ADGRG7: variants seen among roughly 807,000 people sequenced by gnomAD.
The protein encoded by ADGRG7 is adhesion G protein-coupled receptor G7.
A neutral mutation model predicts 88.6 loss-of-function variants in ADGRG7; 82 were observed. The observed-to-expected ratio is 0.93, with a 90% CI of 0.77 to 1.11. ADGRG7 has a LOEUF of 1.11. ADGRG7 is among the 50% of genes most tolerant of loss of function. The pLI, the probability that ADGRG7 is intolerant of heterozygous loss-of-function variation, is 0.00. For missense variants in ADGRG7, 945 were observed against 953.4 expected (o/e 0.99, Z 0.12); for synonymous variants, 381 against 345.2 (o/e 1.10, Z -1.15).
intron 14 of ADGRG7, 82 bp downstream of exon 14, chr3:100,659,925 A>G: frequency 7.4e-7 from 1 of 1,350,090 alleles, no homozygotes; most frequent in East Asian, 2.3e-5. Context: ...CCACAGTTTC[A>G]GAAGCTTTCA....
rs866274535 is a variant in ADGRG7, at chr3:100,667,787, C to T, written c.1980-1162C>T. ...ACAATGGTTGAACTAATTTACACTCCCACCAACAGTGTAAAAGTGTTTCAG... is the reference window on the plus strand; with the variant it reads ...ACAATGGTTGAACTAATTTACACTCTCACCAACAGTGTAAAAGTGTTTCAG... On this transcript the variant is annotated intron_variant, in intron 14 of 15. Transcript: ENST00000273352. Among the ~76,000 whole-genome samples the T allele has an allele frequency of 7.2e-5, 11 of 152,192 alleles. No individual in the cohort carries two copies. The South Asian group carries it at 1.9e-3, about 26-fold the overall frequency.
chr3:100,612,876 T>C (rs1174592729), intron 1 of ADGRG7, among the ~76,000 whole-genome samples: 2 of 152,174 alleles, frequency 1.3e-5, no homozygotes, highest in Admixed American at 6.5e-5. Context: ...ATAGCATTGA[T>C]AATTTTTGTT....
chr3:100,612,831 C>T lies in ADGRG7; in HGVS notation c.115+2860C>T, dbSNP rs143022369. 1.8e-4 allele frequency among the ~76,000 whole-genome samples: 27 copies of T among 152,276 alleles called. No individual in the cohort carries two copies. The East Asian group carries it at 3.5e-3, about 20-fold the overall frequency. On this transcript the variant is annotated intron_variant, in intron 1 of 15. Coordinates refer to ENST00000273352, the MANE Select transcript of ADGRG7 (RefSeq NM_032787.3). ...TTCAGTCCTGCAAGAGATTTCAGGA[C>T]GTTGAAATATTCCCAAACCCCAAGG...
chr3:100,668,977 A>G lies in ADGRG7; in HGVS notation c.2008A>G (p.Ile670Val). 6.3e-7 allele frequency: 1 copy of G among 1,599,578 alleles called. No homozygotes were observed. Among genetic ancestry groups the G allele is most frequent in the Admixed American group, 1.7e-5 (1 of 57,334 alleles). Residue 670 changes from isoleucine to valine, a missense_variant, in exon 15 of 16, where the codon ATT (isoleucine) becomes GTT (valine). By Grantham distance (29) the Ile-to-Val change is conservative (BLOSUM62 3). Coordinates refer to ENST00000273352, the MANE Select transcript of ADGRG7 (RefSeq NM_032787.3). ...AAAAAAAGTTTCATCCATGAAGAAG[A>G]TTGTTAGCACATTATCTGTTGCAGT... is the stretch of plus-strand genomic sequence containing the variant. ...STKKVSSMKK[I>V]VSTLSVAVVF...
At chr3:100,658,399 C>T (rs958654005) in intron 13 of ADGRG7, among the ~76,000 whole-genome samples, 7 of 152,202 alleles carry the variant, frequency 4.6e-5, no homozygotes, top group Non-Finnish European at 1.0e-4. Context: ...TCTCTCATCA[C>T]TGCACCTGGA....
intron 6 of ADGRG7, among the ~76,000 whole-genome samples, chr3:100,639,578 AGTGGCCAT>A (rs1327671617): frequency 6.6e-6 from 1 of 152,176 alleles, no homozygotes; most frequent in Non-Finnish European, 1.5e-5. Context: ...ATGAGAAGGA[AGTGGCCAT>A]GGGGTCCAGA....
At chr3:100,665,367 T>C in intron 14 of ADGRG7, 1 of 540,652 alleles carries the variant, frequency 1.8e-6, no homozygotes, top group South Asian at 1.4e-5. Context: ...GCGTTTATCC[T>C]TCAATCTTCA....
intron 15 of ADGRG7, among the ~76,000 whole-genome samples, chr3:100,688,849 T>C (rs894304882): frequency 6.6e-6 from 1 of 152,216 alleles, no homozygotes; most frequent in Non-Finnish European, 1.5e-5. Flanking sequence ...AGAATGTATA[T>C]TCTGTTGATT....
intron 14 of ADGRG7, among the ~76,000 whole-genome samples, chr3:100,661,087 T>C (rs2094944722): frequency 6.6e-6 from 1 of 152,194 alleles, no homozygotes; most frequent in Non-Finnish European, 1.5e-5. Flanking sequence ...CTCCTTTCTA[T>C]AACCTTTCTG....
chr3:100,639,696 C>A (rs16842463), intron 6 of ADGRG7, among the ~76,000 whole-genome samples: 12,019 of 152,022 alleles, frequency 0.079, 685 homozygotes, highest in East Asian at 0.25. Context: ...GAGGAATGAA[C>A]GTTTTTGGTG....
In ADGRG7 at chr3:100,659,439, C is replaced by CAAA. The variant is rs373835556; in HGVS notation, c.1824-226_1824-224dup. On this transcript the variant is annotated intron_variant, in intron 13 of 15. Coordinates refer to ENST00000273352, the MANE Select transcript of ADGRG7 (RefSeq NM_032787.3). ...TGGGCGACAGAGCAAGACTCAGTCT[C>CAAA]AAAAAAAAAAAAAAAAAAAAAAAAA... is the stretch of plus-strand genomic sequence containing the variant. 3.0e-3 allele frequency among the ~76,000 whole-genome samples: 238 copies of CAAA among 80,618 alleles called. 1 individual carries two copies. The highest frequency in any genetic ancestry group is 9.1e-3 in the Middle Eastern group (1 of 110). 52.9% of individuals were successfully genotyped at this position (80,618 alleles called of 152,430 possible).
intron 14 of ADGRG7, among the ~76,000 whole-genome samples, chr3:100,663,974 T>C (rs1455651492): frequency 1.3e-5 from 2 of 152,082 alleles, no homozygotes; most frequent in Non-Finnish European, 2.9e-5. Flanking sequence ...CGTTATTATC[T>C]ATGGCCAAAG....
At position 100,651,996 on chromosome 3, in the gene ADGRG7, C is replaced by T. The variant is rs1055407228; in HGVS notation, c.1379+2189C>T. Among the ~76,000 whole-genome samples, 4 of 152,084 alleles carry T rather than the reference C, an allele frequency of 2.6e-5. No homozygotes were observed. In the South Asian group the frequency reaches 6.2e-4, roughly 24 times the overall value. ...AGTTTTCGATGGGTTTGTTGTGATGCAATCTCATTGTAAGTTGAGGAGCAT... is the reference window on the plus strand; with the variant it reads ...AGTTTTCGATGGGTTTGTTGTGATGTAATCTCATTGTAAGTTGAGGAGCAT... On this transcript the variant is annotated intron_variant, in intron 11 of 15. Coordinates refer to ENST00000273352, the MANE Select transcript of ADGRG7 (RefSeq NM_032787.3).
intron 14 of ADGRG7, among the ~76,000 whole-genome samples, chr3:100,665,635 T>C (rs571936994): frequency 6.7e-4 from 102 of 152,322 alleles, no homozygotes; most frequent in African/African-American, 2.1e-3. Flanking sequence ...ATATTATCAC[T>C]GATAAACATT....
At position 100,646,987 on chromosome 3, in the gene ADGRG7, G is replaced by A. The variant is rs547494952; in HGVS notation, c.1266+263G>A. ...AGCCTGACCAACATGGTGAAACCCC[G>A]TCTCTACTAAAAATACAGAAATTAC... On this transcript the variant is annotated intron_variant, in intron 10 of 15. Transcript: ENST00000273352. Among the ~76,000 whole-genome samples, 18 of 152,154 alleles carry A rather than the reference G, an allele frequency of 1.2e-4. No individual in the cohort carries two copies. The East Asian group carries it at 3.1e-3, about 26-fold the overall frequency.
rs141064001 is a variant in ADGRG7, at chr3:100,661,102, C to T, written c.1979+1259C>T. 3.1e-3 allele frequency among the ~76,000 whole-genome samples: 471 copies of T among 152,236 alleles called. 3 individuals carry two copies. The highest frequency in any genetic ancestry group is 0.01 in the African/African-American group (426 of 41,520). On this transcript the variant is annotated intron_variant, in intron 14 of 15. Coordinates refer to ENST00000273352, the MANE Select transcript of ADGRG7 (RefSeq NM_032787.3). ...CTCCTTTCTATAACCTTTCTGGCTCCAAAAAGCATTTTCATTGTCATCCCT... is the reference window on the plus strand; with the variant it reads ...CTCCTTTCTATAACCTTTCTGGCTCTAAAAAGCATTTTCATTGTCATCCCT...
intron 15 of ADGRG7, among the ~76,000 whole-genome samples, chr3:100,677,738 G>A (rs1304419301): frequency 6.6e-6 from 1 of 152,090 alleles, no homozygotes; most frequent in Non-Finnish European, 1.5e-5. Context: ...CTTTAAATAT[G>A]TCATGTCACT....
chr3:100,654,307 T>G (rs1436586075), intron 11 of ADGRG7: 3 of 152,280 alleles, frequency 2.0e-5, no homozygotes, highest in Non-Finnish European at 4.4e-5. Flanking sequence ...ATTTTATGAT[T>G]GCATAGGTAC....
intron 14 of ADGRG7, chr3:100,665,328 C>T (rs942703616): frequency 3.7e-6 from 2 of 540,774 alleles, no homozygotes; most frequent in Non-Finnish European, 7.6e-6. Context: ...TGGTGAAATA[C>T]CCTCAAGCTC....
Sources: gnomAD v4.1 joint callset for allele counts (sites outside exome capture counted in the v4.1 genomes callset) on GRCh38, gnomAD v4.1.1 for gene constraint, MANE v1.5 for transcripts, NCBI Gene and HGNC (gene_info 2026-07-23, HGNC 2026-07-21) for gene names.